The following XKR6 variants were observed in gnomAD, a reference collection of about 807,000 sequenced individuals.
XKR6 encodes XK related 6.
Under a neutral mutation model 56.7 loss-of-function variants are expected in XKR6, and 22 were observed. The ratio of observed to expected loss-of-function variants is 0.39; its 90% CI spans 0.28 to 0.55. The LOEUF is 0.55. XKR6 is among the 20% of genes least tolerant of loss of function. The pLI, the probability that XKR6 is intolerant of heterozygous loss-of-function variation, is 0.66. For synonymous variants in XKR6, 524 were observed against 387.8 expected (o/e 1.35, Z -4.13); for missense variants, 852 against 889.0 (o/e 0.96, Z 0.53).
chr8:10,912,995 T>C (rs953080851), intron 2 of XKR6, among the ~76,000 whole-genome samples: 2 of 147,946 alleles, frequency 1.4e-5, no homozygotes, highest in East Asian at 3.9e-4. Flanking sequence ...TACACATACA[T>C]ATATATATAT....
At chr8:11,147,803 C>T (rs1801066653) in intron 1 of XKR6, among the ~76,000 whole-genome samples, 1 of 152,170 alleles carries the variant, frequency 6.6e-6, no homozygotes, top group Non-Finnish European at 1.5e-5. Flanking sequence ...TTACCAAGTG[C>T]TGGCAAGTAT....
intron 1 of XKR6, among the ~76,000 whole-genome samples, chr8:10,960,074 C>T (rs1802015225): frequency 6.6e-6 from 1 of 152,172 alleles, no homozygotes; most frequent in African/African-American, 2.4e-5. Flanking sequence ...TGGCCCTGTC[C>T]ATGACTCAGT....
intron 1 of XKR6, among the ~76,000 whole-genome samples, chr8:10,982,459 T>C (rs1447859083): frequency 6.6e-6 from 1 of 152,210 alleles, no homozygotes; most frequent in Non-Finnish European, 1.5e-5. Context: ...TAACAGCAGC[T>C]TCCTCCAACA....
intron 1 of XKR6, among the ~76,000 whole-genome samples, chr8:11,045,839 G>A (rs1799398717): frequency 6.6e-6 from 1 of 152,206 alleles, no homozygotes; most frequent in Non-Finnish European, 1.5e-5. Flanking sequence ...CGTTTACTGT[G>A]TCTCATCACT....
intron 1 of XKR6, among the ~76,000 whole-genome samples, chr8:11,190,452 G>A (rs959968643): frequency 2.6e-5 from 4 of 152,130 alleles, no homozygotes; most frequent in African/African-American, 7.2e-5. Flanking sequence ...TGGAAGTCAC[G>A]GGGTTGTAAG....
At chr8:11,086,133 A>AATACATATATAT (rs1797879725) in intron 1 of XKR6, among the ~76,000 whole-genome samples, 20 of 90,104 alleles carry the variant, frequency 2.2e-4, no homozygotes, top group Admixed American at 1.6e-3. Flanking sequence ...TTAAAAAGAA[A>AATACATATATAT]ATATATATAT....
intron 1 of XKR6, among the ~76,000 whole-genome samples, chr8:11,056,553 C>T (rs1045135547): frequency 6.6e-6 from 1 of 152,160 alleles, no homozygotes. Context: ...AAGAGCACCA[C>T]CCCCATAAAG....
rs764660212 is a variant in XKR6, at chr8:10,898,074, C to T, written c.1804G>A (p.Val602Ile). ...ATAGTCCTTCTCAGCCTCCTGTCTACAAAATGAGCATCCCAAGCTGGGTAT... is the reference window on the plus strand; with the variant it reads ...ATAGTCCTTCTCAGCCTCCTGTCTATAAAATGAGCATCCCAAGCTGGGTAT... ...KRYPAWDAHF[V>I]DRRLRRTINI... The change falls in exon 3 of 3, where the codon GTA becomes ATA. Residue 602 changes from valine to isoleucine, a missense_variant. Val to Ile is a conservative substitution (Grantham distance 29). Transcript: ENST00000416569. This position sits in a 1 kb window ranked among gnomAD's most constrained non-coding sequence, Gnocchi z 6.6. The T allele has an allele frequency of 3.1e-6, 5 of 1,614,106 alleles. No individual in the cohort carries two copies. Among genetic ancestry groups the T allele is most frequent in the South Asian group, 2.2e-5 (2 of 91,086 alleles).
chr8:11,036,571 G>C (rs1044312367), intron 1 of XKR6, among the ~76,000 whole-genome samples: 1 of 152,198 alleles, frequency 6.6e-6, no homozygotes, highest in African/African-American at 2.4e-5. Flanking sequence ...TAACAAATTA[G>C]CCAGGTGGCT....
At chr8:10,992,875 G>A (rs961020620) in intron 1 of XKR6, among the ~76,000 whole-genome samples, 4 of 152,186 alleles carry the variant, frequency 2.6e-5, no homozygotes, top group African/African-American at 4.8e-5. Context: ...ATGATCTCAC[G>A]AAGTTCCCGA....
chr8:11,057,094 C>T (rs1298475968), intron 1 of XKR6, among the ~76,000 whole-genome samples: 1 of 152,250 alleles, frequency 6.6e-6, no homozygotes, highest in Non-Finnish European at 1.5e-5. Flanking sequence ...AAAAGCCGTT[C>T]TTGATGCCCC....
intron 1 of XKR6, among the ~76,000 whole-genome samples, chr8:10,995,472 T>C (rs1343235888): frequency 6.9e-6 from 1 of 145,804 alleles, no homozygotes; most frequent in Non-Finnish European, 1.5e-5. Context: ...ATAATACATA[T>C]AAAACCCTAT....
rs181950824 is a variant in XKR6, at chr8:10,914,279, C to T, written c.961+10355G>A. On this transcript the variant is annotated intron_variant, in intron 2 of 2. Transcript: ENST00000416569. ...CTGGGAGTCACTCTGGTGTCCCTTT[C>T]GGAGCCTCTTCCTGAGTATATACAG... Among the ~76,000 whole-genome samples, 147 of 152,246 alleles carry T rather than the reference C, an allele frequency of 9.7e-4. 1 individual carries two copies. The highest frequency in any genetic ancestry group is 2.8e-3 in the Admixed American group (43 of 15,304).
At chr8:11,119,634 CT>C (rs1280503566) in intron 1 of XKR6, among the ~76,000 whole-genome samples, 6 of 151,878 alleles carry the variant, frequency 4.0e-5, no homozygotes, top group African/African-American at 1.2e-4. Context: ...CAAACCCTGC[CT>C]TTTTTTTGTT....
chr8:10,990,307 G>T (rs894776002), intron 1 of XKR6, among the ~76,000 whole-genome samples: 1 of 152,210 alleles, frequency 6.6e-6, no homozygotes, highest in African/African-American at 2.4e-5. Context: ...CCAGCAGGTG[G>T]GAAGTTGGGG....
At chr8:11,069,384 T>A (rs944308966) in intron 1 of XKR6, among the ~76,000 whole-genome samples, 2 of 152,042 alleles carry the variant, frequency 1.3e-5, no homozygotes, top group African/African-American at 4.8e-5. Context: ...CGGTCTCCCC[T>A]GACTCCACCC....
chr8:11,093,007 TTTTC>T (rs938839205), intron 1 of XKR6, among the ~76,000 whole-genome samples: 9 of 152,052 alleles, frequency 5.9e-5, no homozygotes, highest in South Asian at 2.1e-4. Context: ...GCTTGCTTGC[TTTTC>T]TTTCTCTTTT....
chr8:11,046,433 G>C (rs1320664858), intron 1 of XKR6, among the ~76,000 whole-genome samples: 1 of 151,986 alleles, frequency 6.6e-6, no homozygotes, highest in Non-Finnish European at 1.5e-5. Flanking sequence ...GAGAGTAAAA[G>C]AAAAGAAGAA....
At chr8:11,008,256 G>C (rs1029937198) in intron 1 of XKR6, among the ~76,000 whole-genome samples, 3 of 152,018 alleles carry the variant, frequency 2.0e-5, no homozygotes, top group African/African-American at 7.2e-5. Flanking sequence ...TGGCCACTTG[G>C]CTCCAACATG....
Sources: allele counts gnomAD v4.1 joint callset (sites outside exome capture counted in the v4.1 genomes callset), GRCh38; gene constraint gnomAD v4.1.1; non-coding constraint Gnocchi (gnomAD v3.1); transcripts MANE v1.5; gene names NCBI Gene and HGNC (gene_info 2026-07-23, HGNC 2026-07-21).